The following XKR6 variants were observed in gnomAD, a reference collection of about 807,000 sequenced individuals.
The protein encoded by XKR6 is XK related 6.
A neutral mutation model predicts 56.7 loss-of-function variants in XKR6; 22 were observed. The observed-to-expected ratio is 0.39, with a 90% CI of 0.28 to 0.55. The LOEUF (loss-of-function observed/expected upper bound fraction) is 0.55. Among genes scored for constraint, XKR6 ranks in the 20% least tolerant of loss-of-function variants. The pLI is 0.66. For missense variants in XKR6, 852 were observed against 889.0 expected (o/e 0.96, Z 0.53); for synonymous variants, 524 against 387.8 (o/e 1.35, Z -4.13).
rs375461579 is a variant in XKR6 at position 11,015,487 on chromosome 8, C to G, written c.765-90657G>C. ...TCTGCTAGAAACCACCCCCCACCCC[C>G]ACCTCGGGGAGGGACTCTGAAGAGA... On this transcript the variant is annotated intron_variant, in intron 1 of 2. Transcript: ENST00000416569. Among the ~76,000 whole-genome samples, 11 of 152,288 alleles carry G rather than the reference C, an allele frequency of 7.2e-5. No homozygotes were observed. In the South Asian group the frequency reaches 2.1e-3, roughly 29 times the overall value.
At chr8:10,970,473 C>T (rs1385485593) in intron 1 of XKR6, among the ~76,000 whole-genome samples, 1 of 152,156 alleles carries the variant, frequency 6.6e-6, no homozygotes, top group African/African-American at 2.4e-5. Context: ...CACAAGGTCT[C>T]AATAACACAA....
At position 10,952,628 on chromosome 8, in the gene XKR6, T is replaced by G. The variant is rs909802607; in HGVS notation, c.765-27798A>C. Among the ~76,000 whole-genome samples, 4 of 152,164 alleles carry G rather than the reference T, an allele frequency of 2.6e-5. No homozygotes were observed. In the South Asian group the frequency reaches 8.3e-4, roughly 32 times the overall value. ...GCCACCATGCCTGGCTAATTTTCTT[T>G]ATTTTTTGTAGAGACGGTTATACAG... is the stretch of plus-strand genomic sequence containing the variant. On this transcript the variant is annotated intron_variant, in intron 1 of 2. Coordinates refer to ENST00000416569, the MANE Select transcript of XKR6 (RefSeq NM_173683.4).
At chr8:11,182,436 G>C (rs139149706) in intron 1 of XKR6, among the ~76,000 whole-genome samples, 4 of 152,346 alleles carry the variant, frequency 2.6e-5, no homozygotes, top group African/African-American at 9.6e-5. Flanking sequence ...ATACTGTGCT[G>C]TAGAAGTGCA....
chr8:10,947,475 C>T (rs561402745), intron 1 of XKR6, among the ~76,000 whole-genome samples: 1 of 152,144 alleles, frequency 6.6e-6, no homozygotes, highest in Admixed American at 6.5e-5. Context: ...CGAGGGAGAG[C>T]AGCCCAGGAT....
intron 1 of XKR6, among the ~76,000 whole-genome samples, chr8:10,948,727 C>A (rs1039562419): frequency 3.9e-5 from 6 of 152,218 alleles, no homozygotes; most frequent in Non-Finnish European, 8.8e-5. Flanking sequence ...AGGCCCCGCA[C>A]TCCCACCCCG....
chr8:11,128,217 A>G (rs1586585437), intron 1 of XKR6, among the ~76,000 whole-genome samples: 1 of 152,196 alleles, frequency 6.6e-6, no homozygotes, highest in Non-Finnish European at 1.5e-5. Context: ...ACCTTACCCC[A>G]CTGGCCAGAC....
chr8:11,179,120 G>A (rs964302646), intron 1 of XKR6, among the ~76,000 whole-genome samples: 2 of 147,012 alleles, frequency 1.4e-5, no homozygotes, highest in Non-Finnish European at 3.0e-5. Context: ...GCCTCCCAAA[G>A]TGCTGGTATT....
intron 1 of XKR6, among the ~76,000 whole-genome samples, chr8:11,171,262 A>T (rs1334801934): frequency 6.6e-6 from 1 of 152,124 alleles, no homozygotes; most frequent in African/African-American, 2.4e-5. Context: ...CATTAAGTGC[A>T]CACCCACGCA....
intron 1 of XKR6, among the ~76,000 whole-genome samples, chr8:11,011,205 G>A (rs746084702): frequency 1.7e-4 from 26 of 152,264 alleles, no homozygotes; most frequent in South Asian, 4.1e-4. Context: ...CCACCTACAG[G>A]AATGGACTAG....
chr8:11,113,876 G>C (rs1372167627), intron 1 of XKR6: 3 of 235,284 alleles, frequency 1.3e-5, no homozygotes. Flanking sequence ...TAATACCTTT[G>C]GTTTACAACT....
intron 1 of XKR6, chr8:11,109,347 C>A (rs1798801018): frequency 1.3e-5 from 2 of 152,170 alleles, no homozygotes; most frequent in African/African-American, 4.8e-5. Context: ...CAATATTTCC[C>A]TAATATCTAA....
chr8:11,137,784 C>A (rs1385185984), intron 1 of XKR6: 2 of 434,046 alleles, frequency 4.6e-6, no homozygotes, highest in Non-Finnish European at 9.2e-6. Context: ...TTTACCATTT[C>A]CCCTTAAACC....
chr8:11,135,252 A>G (rs1478674372), intron 1 of XKR6, among the ~76,000 whole-genome samples: 4 of 152,014 alleles, frequency 2.6e-5, no homozygotes, highest in African/African-American at 9.7e-5. Flanking sequence ...GATGGTCTTG[A>G]TCTCCTGACC....
chr8:10,952,888 T>C (rs576432208), intron 1 of XKR6, among the ~76,000 whole-genome samples: 39 of 152,276 alleles, frequency 2.6e-4, no homozygotes, highest in Non-Finnish European at 1.2e-4. Context: ...CATTACCACC[T>C]GAGCTCTGCC....
chr8:11,145,074 T>A (rs1351634023), intron 1 of XKR6, among the ~76,000 whole-genome samples: 1 of 144,970 alleles, frequency 6.9e-6, no homozygotes, highest in African/African-American at 2.6e-5. Flanking sequence ...ACAAACTACC[T>A]GAGTATCTCT....
chr8:11,086,634 C>T (rs555693051), intron 1 of XKR6, among the ~76,000 whole-genome samples: 3 of 152,322 alleles, frequency 2.0e-5, no homozygotes, highest in Non-Finnish European at 2.9e-5. Context: ...TAGAAAGATG[C>T]GGTGAGGTTA....
intron 1 of XKR6, among the ~76,000 whole-genome samples, chr8:11,047,266 C>T (rs568853560): frequency 2.0e-5 from 3 of 152,310 alleles, no homozygotes; most frequent in South Asian, 4.2e-4. Context: ...ACCATTAATA[C>T]ATAGTTTCCT....
At chr8:11,160,187 T>C (rs532313099) in intron 1 of XKR6, among the ~76,000 whole-genome samples, 1 of 151,448 alleles carries the variant, frequency 6.6e-6, no homozygotes, top group East Asian at 1.9e-4. Flanking sequence ...ATGAAGAAAA[T>C]GTACGTCAGA....
At chr8:11,142,682 C>G (rs1235823289) in intron 1 of XKR6, among the ~76,000 whole-genome samples, 1 of 152,172 alleles carries the variant, frequency 6.6e-6, no homozygotes, top group Non-Finnish European at 1.5e-5. Context: ...TCCTGAGGCC[C>G]TCACCAGAAG....
Sources: gnomAD v4.1 joint callset for allele counts (sites outside exome capture counted in the v4.1 genomes callset) on GRCh38, gnomAD v4.1.1 for gene constraint, MANE v1.5 for transcripts, NCBI Gene and HGNC (gene_info 2026-07-23, HGNC 2026-07-21) for gene names.